ARK2C: variants seen among roughly 807,000 people sequenced by gnomAD.
ARK2C encodes E3 ubiquitin-protein ligase ARK2C.
chr18:46,455,564 A>G, the ARK2C span, among the ~76,000 whole-genome samples: 1 of 152,118 alleles, frequency 6.6e-6, no homozygotes, highest in Non-Finnish European at 1.5e-5. Context: ...TGGCCGGGCA[A>G]GGTGGCTCAC....
chr18:46,450,044 G>T, the ARK2C span, among the ~76,000 whole-genome samples: 1 of 152,308 alleles, frequency 6.6e-6, no homozygotes, highest in East Asian at 1.9e-4. Context: ...AATTAGTCAC[G>T]TTAAGTGCTT....
At chr18:46,420,193 G>C in the ARK2C span, among the ~76,000 whole-genome samples, 11 of 152,120 alleles carry the variant, frequency 7.2e-5, no homozygotes, top group African/African-American at 2.7e-4. Context: ...TCCTTAAAAC[G>C]TAACCACTCC....
chr18:46,347,464 C>T, the ARK2C span, among the ~76,000 whole-genome samples: 1 of 152,156 alleles, frequency 6.6e-6, no homozygotes, highest in Admixed American at 6.5e-5. Flanking sequence ...AAGAGAGTCA[C>T]GTGGAGGGGT....
At chr18:46,418,888 G>A in the ARK2C span, among the ~76,000 whole-genome samples, 7 of 152,220 alleles carry the variant, frequency 4.6e-5, no homozygotes, top group Admixed American at 4.6e-4. Context: ...TCTCTGGACA[G>A]ACAGAAAATC....
At chr18:46,409,407 G>A in the ARK2C span, among the ~76,000 whole-genome samples, 6 of 152,198 alleles carry the variant, frequency 3.9e-5, no homozygotes, top group African/African-American at 1.4e-4. Context: ...CAGGTAAACG[G>A]TGGTGGTGAT....
At chr18:46,446,752 G>A in the ARK2C span, among the ~76,000 whole-genome samples, 1 of 151,254 alleles carries the variant, frequency 6.6e-6, no homozygotes, top group African/African-American at 2.4e-5. Context: ...TCTTTGAAGG[G>A]GACCAATTTT....
At chr18:46,341,078 G>A in the ARK2C span, among the ~76,000 whole-genome samples, 7 of 152,168 alleles carry the variant, frequency 4.6e-5, no homozygotes, top group South Asian at 2.1e-4. Context: ...AGGGAGCACC[G>A]GGATCATTGT....
At chr18:46,397,177 G>A in the ARK2C span, among the ~76,000 whole-genome samples, 2 of 152,232 alleles carry the variant, frequency 1.3e-5, no homozygotes, top group African/African-American at 4.8e-5. Flanking sequence ...TGGAGGAGGA[G>A]GGTTGGCCTT....
chr18:46,352,347 C>T, the ARK2C span, among the ~76,000 whole-genome samples: 1 of 152,340 alleles, frequency 6.6e-6, no homozygotes, highest in South Asian at 2.1e-4. Context: ...ATTGGGTACA[C>T]ATCATCCTGT....
At chr18:46,453,087 C>T in the ARK2C span, among the ~76,000 whole-genome samples, 1 of 152,126 alleles carries the variant, frequency 6.6e-6, no homozygotes, top group African/African-American at 2.4e-5. Flanking sequence ...CTGGTGGTGT[C>T]AATGTCAAAG....
At chr18:46,376,004 G>A in the ARK2C span, among the ~76,000 whole-genome samples, 6 of 152,302 alleles carry the variant, frequency 3.9e-5, no homozygotes, top group African/African-American at 1.4e-4. Flanking sequence ...TAGCTCAGAG[G>A]GTGGCCTGAG....
chr18:46,403,750 C>A, the ARK2C span, among the ~76,000 whole-genome samples: 7 of 152,064 alleles, frequency 4.6e-5, no homozygotes, highest in East Asian at 1.3e-3. Flanking sequence ...TGGTGGCGGT[C>A]ACTTGTAATC....
At chr18:46,358,098 G>T in the ARK2C span, among the ~76,000 whole-genome samples, 10 of 152,278 alleles carry the variant, frequency 6.6e-5, no homozygotes, top group South Asian at 2.1e-3. Flanking sequence ...TCCAAATAAG[G>T]TCACACTCAC....
At chr18:46,345,317 C>T in the ARK2C span, among the ~76,000 whole-genome samples, 1 of 152,184 alleles carries the variant, frequency 6.6e-6, no homozygotes, top group African/African-American at 2.4e-5. Flanking sequence ...CTTGGTCTTC[C>T]CCGGGCAGGT....
the ARK2C span, among the ~76,000 whole-genome samples, chr18:46,391,220 G>A: frequency 6.6e-6 from 1 of 152,186 alleles, no homozygotes; most frequent in African/African-American, 2.4e-5. Flanking sequence ...CATTTCACAT[G>A]AGTGATCTCG....
the ARK2C span, among the ~76,000 whole-genome samples, chr18:46,389,485 C>T: frequency 6.6e-6 from 1 of 152,234 alleles, no homozygotes; most frequent in South Asian, 2.1e-4. Context: ...GTGAGAGGGA[C>T]CCCTGGCTCA....
chr18:46,370,761 G>A, the ARK2C span, among the ~76,000 whole-genome samples: 1 of 152,198 alleles, frequency 6.6e-6, no homozygotes, highest in Non-Finnish European at 1.5e-5. Context: ...CAGTTGGGTT[G>A]TGACAGAGGT....
the ARK2C span, among the ~76,000 whole-genome samples, chr18:46,393,474 G>T: frequency 6.6e-6 from 1 of 152,190 alleles, no homozygotes; most frequent in East Asian, 1.9e-4. Flanking sequence ...TAGAAATGGG[G>T]CTGGGAGGCT....
chr18:46,456,122 G>A, the ARK2C span: 1 of 1,232,666 alleles, frequency 8.1e-7, no homozygotes, highest in Non-Finnish European at 1.2e-6. Context: ...CTCTCTTATA[G>A]GTATTGGTGA....
Sources: gnomAD v4.1 joint callset for allele counts (sites outside exome capture counted in the v4.1 genomes callset) on GRCh38, gnomAD v4.1.1 for gene constraint, MANE v1.5 for transcripts, NCBI Gene and HGNC (gene_info 2026-07-23, HGNC 2026-07-21) for gene names.